The following CDK6 variants were observed in gnomAD, a reference collection of about 807,000 sequenced individuals.
CDK6 encodes the protein cyclin dependent kinase 6, also known as cyclin-dependent kinase 6.
Under a neutral mutation model 37.1 loss-of-function variants are expected in CDK6, and 6 were observed. The observed-to-expected ratio is 0.16, with a 90% confidence interval of 0.09 to 0.32. The LOEUF (loss-of-function observed/expected upper bound fraction) is 0.32, where lower values mean the gene tolerates loss of function less well. CDK6 is among the 10% of genes least tolerant of loss of function. The pLI, the probability that CDK6 is intolerant of heterozygous loss-of-function variation, is 1.00. For missense variants in CDK6, 224 were observed against 418.9 expected (o/e 0.53, Z 4.06); for synonymous variants, 160 against 161.3 (o/e 0.99, Z 0.06).
intron 4 of CDK6, among the ~76,000 whole-genome samples, chr7:92,712,437 G>A (rs1035706125): frequency 6.6e-6 from 1 of 151,896 alleles, no homozygotes; most frequent in African/African-American, 2.4e-5. Context: ...AACTACAATC[G>A]ACTATTGAAA....
intron 6 of CDK6, among the ~76,000 whole-genome samples, chr7:92,619,681 G>A (rs1312455892): frequency 6.6e-6 from 1 of 151,804 alleles, no homozygotes; most frequent in Non-Finnish European, 1.5e-5. Flanking sequence ...GACTTCAGCT[G>A]GGAAGATAAC....
chr7:92,751,384 T>C (rs1799184442), intron 3 of CDK6, among the ~76,000 whole-genome samples: 2 of 152,180 alleles, frequency 1.3e-5, no homozygotes, highest in Admixed American at 6.5e-5. Context: ...GTGTTAAAGT[T>C]CATGTATCAT....
chr7:92,702,141 T>C (rs949109928), intron 4 of CDK6, among the ~76,000 whole-genome samples: 5 of 150,878 alleles, frequency 3.3e-5, no homozygotes, highest in African/African-American at 1.2e-4. Context: ...CTGATTCTTA[T>C]AAGGCTGATT....
At chr7:92,709,512 G>A (rs1317093263) in intron 4 of CDK6, among the ~76,000 whole-genome samples, 2 of 151,786 alleles carry the variant, frequency 1.3e-5, no homozygotes, top group African/African-American at 4.8e-5. Context: ...AGTTGTAGAG[G>A]CAACTTCAGA....
intron 5 of CDK6, among the ~76,000 whole-genome samples, chr7:92,635,159 T>C (rs1375816661): frequency 6.6e-6 from 1 of 152,200 alleles, no homozygotes; most frequent in South Asian, 2.1e-4. Context: ...GCACAGTTTA[T>C]TGCTACTTCC....
chr7:92,635,832 T>C (rs185036791), intron 5 of CDK6, among the ~76,000 whole-genome samples: 154 of 152,252 alleles, frequency 1.0e-3, no homozygotes, highest in African/African-American at 3.7e-3. Context: ...GATGATGAAG[T>C]TAGGAAAATG....
At chr7:92,684,015 G>A (rs923034576) in intron 4 of CDK6, among the ~76,000 whole-genome samples, 6 of 152,204 alleles carry the variant, frequency 3.9e-5, no homozygotes, top group African/African-American at 1.4e-4. Context: ...TAAGTAGGGG[G>A]CTACGGAAGG....
intron 4 of CDK6, among the ~76,000 whole-genome samples, chr7:92,677,512 G>T (rs1797232790): frequency 6.6e-6 from 1 of 152,170 alleles, no homozygotes; most frequent in African/African-American, 2.4e-5. Context: ...CCTGCTAATA[G>T]GGAGGCTGAG....
At chr7:92,668,222 A>T (rs1797001556) in intron 5 of CDK6, among the ~76,000 whole-genome samples, 1 of 152,246 alleles carries the variant, frequency 6.6e-6, no homozygotes, top group Admixed American at 6.5e-5. Context: ...TTGGCAGCCT[A>T]AGAGCAATAA....
At chr7:92,778,946 T>TATATATATATATATATATATAAAA (rs1479181745) in intron 2 of CDK6, among the ~76,000 whole-genome samples, 27 of 135,006 alleles carry the variant, frequency 2.0e-4, no homozygotes, top group African/African-American at 7.2e-4. Flanking sequence ...TATATATATA[T>TATATATATATATATATATATAAAA]AAGATATTAT....
At chr7:92,735,795 A>G (rs1450502126) in intron 3 of CDK6, among the ~76,000 whole-genome samples, 1 of 152,200 alleles carries the variant, frequency 6.6e-6, no homozygotes, top group African/African-American at 2.4e-5. Flanking sequence ...GTTATAGAAC[A>G]TTCTCACCGA....
At chr7:92,783,219 A>G (rs1177822029) in intron 2 of CDK6, among the ~76,000 whole-genome samples, 1 of 152,246 alleles carries the variant, frequency 6.6e-6, no homozygotes, top group African/African-American at 2.4e-5. Flanking sequence ...CTCAATGGTA[A>G]GAGGAAGCAA....
intron 5 of CDK6, among the ~76,000 whole-genome samples, chr7:92,625,349 T>C (rs1347829156): frequency 6.6e-6 from 1 of 151,960 alleles, no homozygotes; most frequent in Non-Finnish European, 1.5e-5. Flanking sequence ...TGCCACCATG[T>C]GGTGAGGTCC....
intron 5 of CDK6, among the ~76,000 whole-genome samples, chr7:92,627,115 G>A (rs912642000): frequency 1.3e-5 from 2 of 151,974 alleles, no homozygotes; most frequent in African/African-American, 4.8e-5. Flanking sequence ...GACTTACAAT[G>A]GAATATCACT....
intron 2 of CDK6, among the ~76,000 whole-genome samples, chr7:92,803,663 A>G (rs1360737913): frequency 6.6e-6 from 1 of 152,204 alleles, no homozygotes; most frequent in Non-Finnish European, 1.5e-5. Context: ...GTAGACATTC[A>G]AGACCATTTT....
At chr7:92,737,438 C>G (rs977171944) in intron 3 of CDK6, among the ~76,000 whole-genome samples, 1 of 152,070 alleles carries the variant, frequency 6.6e-6, no homozygotes, top group South Asian at 2.1e-4. Flanking sequence ...GTAAATGACC[C>G]AACTTGCTAA....
At chr7:92,720,552 A>G (rs1798342328) in intron 4 of CDK6, among the ~76,000 whole-genome samples, 1 of 152,194 alleles carries the variant, frequency 6.6e-6, no homozygotes, top group Admixed American at 6.5e-5. Flanking sequence ...GTTTAGAAAA[A>G]AAATTAAAGA....
At chr7:92,804,975 T>C (rs1482453285) in intron 2 of CDK6, among the ~76,000 whole-genome samples, 1 of 152,240 alleles carries the variant, frequency 6.6e-6, no homozygotes, top group Admixed American at 6.5e-5. Context: ...ACTGTTTGTA[T>C]AATTCTAGGT....
In CDK6 at chr7:92,611,341, A is replaced by G. The variant is rs1461774550; in HGVS notation, c.*3799T>C. On this transcript the variant is annotated 3_prime_UTR_variant, in exon 8 of 8. Coordinates refer to ENST00000424848, the MANE Select transcript of CDK6 (RefSeq NM_001145306.2). ...CATAATTAAGTAATTATGGTGGCAT[A>G]TTCACTTTTAACATTATTTTTTCCT... The G allele has an allele frequency of 8.8e-6, 2 of 227,272 alleles. No individual in the cohort carries two copies. The highest frequency in any genetic ancestry group is 4.4e-5 in the African/African-American group (2 of 44,992). The allele number at this position is 227,272 out of a possible 1,614,324, so 14.1% of individuals were successfully genotyped here.
Sources: gnomAD v4.1 joint callset for allele counts (sites outside exome capture counted in the v4.1 genomes callset) on GRCh38, gnomAD v4.1.1 for gene constraint, MANE v1.5 for transcripts, NCBI Gene and HGNC (gene_info 2026-07-23, HGNC 2026-07-21) for gene names.